Variants in TLL2 observed in about 807,000 individuals in gnomAD.
TLL2 encodes the protein tolloid-like protein 2.
TLL2 carries 106 observed loss-of-function variants against 123.0 expected under a neutral mutation model. That is an observed-to-expected ratio of 0.86 (90% CI 0.74 to 1.01). The LOEUF is 1.01. Ranked by LOEUF, TLL2 falls within the 50% of genes least tolerant of loss-of-function variation. TLL2 has a pLI of 0.00. For synonymous variants in TLL2, 494 were observed against 516.8 expected (o/e 0.96, Z 0.60); for missense variants, 1,332 against 1,336.7 (o/e 1.00, Z 0.06).
intron 13 of TLL2, among the ~76,000 whole-genome samples, chr10:96,392,709 G>T (rs1846300474): frequency 6.6e-6 from 1 of 152,176 alleles, no homozygotes; most frequent in Admixed American, 6.5e-5. Flanking sequence ...CATGTGGTAG[G>T]CAGAATAAGG....
chr10:96,463,366 C>T (rs1010142343), intron 2 of TLL2, among the ~76,000 whole-genome samples: 1 of 152,120 alleles, frequency 6.6e-6, no homozygotes, highest in Non-Finnish European at 1.5e-5. Flanking sequence ...GAGAAAGGGG[C>T]CGGTCCTGGC....
intron 6 of TLL2, 50 bp downstream of exon 6, chr10:96,422,498 GT>G (rs1374789917): frequency 2.5e-6 from 4 of 1,605,170 alleles, no homozygotes; most frequent in Middle Eastern, 1.9e-4. Flanking sequence ...TGTCCCTGAG[GT>G]TGCCACCTTC....
Position 96,368,113 on chromosome 10 carries a change from T to C in TLL2, c.3023A>G (p.Gln1008Arg), listed in dbSNP as rs748279497. 87 of 1,614,130 alleles carry C rather than the reference T, an allele frequency of 5.4e-5. No individual in the cohort carries two copies. Among genetic ancestry groups the C allele is most frequent in the Non-Finnish European group, 7.1e-5 (84 of 1,180,044 alleles). Residue 1008 changes from glutamine (Q) to arginine (R), a missense_variant, in exon 21 of 21, where the codon CAG (glutamine) becomes CGG (arginine). By Grantham distance (43) the Gln-to-Arg change is conservative (BLOSUM62 1). Transcript: ENST00000357947. ...CTATTTCTTCATGTGCAGGGCATCCTGGAACTTGGTGCTGGTGTATCGGGC... is the reference window on the plus strand; with the variant it reads ...CTATTTCTTCATGTGCAGGGCATCCCGGAACTTGGTGCTGGTGTATCGGGC... Reference protein sequence around the residue: ...FHARYTSTKFQDALHMKK With the variant: ...FHARYTSTKFRDALHMKK
intron 9 of TLL2, among the ~76,000 whole-genome samples, chr10:96,406,273 C>G (rs946012569): frequency 6.6e-6 from 1 of 152,166 alleles, no homozygotes; most frequent in Non-Finnish European, 1.5e-5. Context: ...CTTTCACCCC[C>G]ACGCAAGTTC....
chr10:96,428,945 T>A (rs1034857996), intron 4 of TLL2, among the ~76,000 whole-genome samples, 197 bp from the exon 5 acceptor site: 2 of 152,050 alleles, frequency 1.3e-5, no homozygotes, highest in Non-Finnish European at 2.9e-5. Context: ...GCTGAAATTA[T>A]AGGCATGTGC....
chr10:96,373,405 T>A (rs1218952286), intron 19 of TLL2, 191 bp downstream of exon 19: 2 of 557,086 alleles, frequency 3.6e-6, no homozygotes, highest in Admixed American at 3.1e-5. Flanking sequence ...CCTCCCAAAG[T>A]GCTGGGATTA....
chr10:96,378,494 A>G (rs1249364185), intron 17 of TLL2, among the ~76,000 whole-genome samples: 3 of 152,248 alleles, frequency 2.0e-5, no homozygotes, highest in Non-Finnish European at 2.9e-5. Flanking sequence ...TATATGACAA[A>G]GACATAAATG....
At chr10:96,489,484 G>A (rs1384683066) in intron 1 of TLL2, among the ~76,000 whole-genome samples, 1 of 151,914 alleles carries the variant, frequency 6.6e-6, no homozygotes, top group Non-Finnish European at 1.5e-5. Flanking sequence ...AGCCATGATG[G>A]TGTCAGTCCA....
intron 2 of TLL2, among the ~76,000 whole-genome samples, chr10:96,476,216 T>TATATATATATATATATATA (rs1554939587): frequency 3.0e-5 from 1 of 33,334 alleles, no homozygotes; most frequent in Non-Finnish European, 6.4e-5. Flanking sequence ...CTTTTTAATT[T>TATATATATATATATATATA]TATATGTATA....
intron 5 of TLL2, among the ~76,000 whole-genome samples, chr10:96,427,991 A>C (rs906495060): frequency 3.7e-5 from 5 of 135,976 alleles, no homozygotes; most frequent in Non-Finnish European, 6.8e-5. Context: ...ATGGGGTTTC[A>C]CCATTGTTGG....
intron 1 of TLL2, among the ~76,000 whole-genome samples, chr10:96,497,094 A>G (rs1847484352): frequency 1.3e-5 from 2 of 152,070 alleles, no homozygotes; most frequent in South Asian, 4.1e-4. Flanking sequence ...TAGCCTGGGA[A>G]ACATAGCGAA....
chr10:96,500,385 C>T (rs565659709), intron 1 of TLL2, among the ~76,000 whole-genome samples: 9 of 152,172 alleles, frequency 5.9e-5, no homozygotes, highest in East Asian at 1.9e-4. Context: ...ATCAGAAGGC[C>T]TAAACGCATT....
rs140071170 is a variant in TLL2 at position 96,413,246 on chromosome 10, C to T, written c.994G>A (p.Val332Met). The change falls in exon 8 of 21, where the codon GTG becomes ATG. Residue 332 changes from valine to methionine, a missense_variant. By Grantham distance (21) the Val-to-Met change is conservative. Coordinates refer to ENST00000357947, the MANE Select transcript of TLL2 (RefSeq NM_012465.4). The stretch of plus-strand genomic sequence containing the variant: ...GCTATGTCTCCCTGACTGAGCCGCA[C>T]GCGCTGGCCAATGGTTGGCCTGACG... ...NGVRPTIGQRVRLSQGDIAQA... is the reference protein window; with the variant it reads ...NGVRPTIGQRMRLSQGDIAQA... 34 of 1,614,040 alleles carry T rather than the reference C, an allele frequency of 2.1e-5. No individual in the cohort carries two copies. Among genetic ancestry groups the T allele is most frequent in the African/African-American group, 1.6e-4 (12 of 74,926 alleles).
In TLL2 at chr10:96,373,801, A is replaced by G; in HGVS notation, c.2457T>C (p.Asn819=). 1.9e-6 allele frequency: 3 copies of G among 1,613,386 alleles called. No individual in the cohort carries two copies. Among genetic ancestry groups the G allele is most frequent in the South Asian group, 2.2e-5 (2 of 91,070 alleles). ...CCTGGTGCTGCTCGATCTCAAACTC[A>G]TTAAAGGTCTGGGGACAGAAGAGCA... is the stretch of plus-strand genomic sequence containing the variant. ...TAGHRVKLTF[N]EFEIEQHQEC... is the part of the protein sequence containing the mutation. Residue 819 remains asparagine, a synonymous_variant, in exon 19 of 21, where the codon AAT becomes AAC. Coordinates refer to ENST00000357947, the MANE Select transcript of TLL2 (RefSeq NM_012465.4).
intron 14 of TLL2, 98 bp downstream of exon 14, chr10:96,386,855 T>C: frequency 1.9e-6 from 3 of 1,558,438 alleles, no homozygotes; most frequent in Non-Finnish European, 2.6e-6. Flanking sequence ...TTGCCCATCG[T>C]TCCTACACAG....
chr10:96,420,858 G>A, intron 7 of TLL2, 98 bp downstream of exon 7: 1 of 1,002,064 alleles, frequency 1.0e-6, no homozygotes, highest in Non-Finnish European at 1.6e-6. Flanking sequence ...CGTGCTAGAA[G>A]CATGCAGAGA....
intron 19 of TLL2, chr10:96,373,094 C>T (rs1846099583): frequency 6.5e-6 from 1 of 153,792 alleles, no homozygotes; most frequent in African/African-American, 2.4e-5. Flanking sequence ...CAATTAAGGA[C>T]ATTGAAAGAA....
chr10:96,482,053 C>T (rs4447105), intron 1 of TLL2, among the ~76,000 whole-genome samples: 1 of 151,866 alleles, frequency 6.6e-6, no homozygotes, highest in Non-Finnish European at 1.5e-5. Flanking sequence ...GTCAGGAGAT[C>T]GAGACCATCC....
rs772489901 is a variant in TLL2 at position 96,428,682 on chromosome 10, A to G, written c.587T>C (p.Ile196Thr). ...AAAGCTTTCCTCATCCGTCCTTTCT[A>G]TGAAGGTCACACAGGTGTGCTTCTC... ...HWEKHTCVTF[I>T]ERTDEESFIV... The change falls in exon 5 of 21, where the codon ATA becomes ACA. Residue 196 changes from isoleucine to threonine, a missense_variant. Ile to Thr is a moderately conservative substitution (Grantham distance 89). Transcript: ENST00000357947. The G allele has an allele frequency of 7.4e-6, 12 of 1,614,012 alleles. No homozygotes were observed. The highest frequency in any genetic ancestry group is 3.3e-5 in the South Asian group (3 of 91,072).
Sources: gnomAD v4.1 joint callset for allele counts (sites outside exome capture counted in the v4.1 genomes callset) on GRCh38, gnomAD v4.1.1 for gene constraint, MANE v1.5 for transcripts, NCBI Gene and HGNC (gene_info 2026-07-23, HGNC 2026-07-21) for gene names.